The following RIT2 variants were observed in gnomAD, a reference collection of about 807,000 sequenced individuals.
The protein encoded by RIT2 is Ras like without CAAX 2, also known as GTP-binding protein Rit2.
A neutral mutation model predicts 23.7 loss-of-function variants in RIT2; 24 were observed. That is an observed-to-expected ratio of 1.01 (90% confidence interval 0.73 to 1.43). The LOEUF is 1.43. Ranked by LOEUF, RIT2 falls within the 40% of genes most tolerant of loss-of-function variation. The pLI is 0.00. For synonymous variants in RIT2, 107 were observed against 91.1 expected (o/e 1.17, Z -0.99); for missense variants, 236 against 266.9 (o/e 0.88, Z 0.81).
At chr18:42,903,634 C>T (rs1486097625) in intron 4 of RIT2, among the ~76,000 whole-genome samples, 2 of 152,010 alleles carry the variant, frequency 1.3e-5, no homozygotes, top group South Asian at 4.1e-4. Context: ...ATGACTGCTA[C>T]CACTACCCAA....
At chr18:42,811,985 G>A (rs1905864979) in intron 4 of RIT2, among the ~76,000 whole-genome samples, 1 of 151,950 alleles carries the variant, frequency 6.6e-6, no homozygotes, top group Non-Finnish European at 1.5e-5. Flanking sequence ...TGGGGCTACG[G>A]GTACATAAAG....
intron 1 of RIT2, among the ~76,000 whole-genome samples, chr18:43,107,576 T>C (rs1913854283): frequency 6.6e-6 from 1 of 152,222 alleles, no homozygotes. Context: ...GTTTACTTTC[T>C]TTGTTTGCAT....
At chr18:42,802,920 G>A (rs1020863658) in intron 4 of RIT2, among the ~76,000 whole-genome samples, 1 of 152,062 alleles carries the variant, frequency 6.6e-6, no homozygotes, top group Non-Finnish European at 1.5e-5. Context: ...GTGTGTGTGT[G>A]GCAGTATACT....
intron 4 of RIT2, among the ~76,000 whole-genome samples, chr18:42,795,856 C>T (rs1014523858): frequency 1.3e-5 from 2 of 152,120 alleles, no homozygotes; most frequent in African/African-American, 4.8e-5. Flanking sequence ...TATCTAGCTA[C>T]TCTGGTGGGG....
At chr18:43,034,427 C>G (rs1911929612) in intron 1 of RIT2, among the ~76,000 whole-genome samples, 1 of 151,838 alleles carries the variant, frequency 6.6e-6, no homozygotes, top group Non-Finnish European at 1.5e-5. Context: ...TACTTTTTTT[C>G]TGTAATTCTG....
intron 1 of RIT2, among the ~76,000 whole-genome samples, chr18:43,109,226 A>G (rs1008819174): frequency 6.6e-6 from 1 of 152,202 alleles, no homozygotes; most frequent in African/African-American, 2.4e-5. Context: ...GGGAGAGAAT[A>G]TGTTTGTTTA....
At chr18:42,895,905 T>C (rs1568024173) in intron 4 of RIT2, among the ~76,000 whole-genome samples, 1 of 152,204 alleles carries the variant, frequency 6.6e-6, no homozygotes, top group African/African-American at 2.4e-5. Flanking sequence ...AGTGGTTTTC[T>C]CTGGGATAGA....
chr18:42,829,044 G>C (rs1489966317), intron 4 of RIT2, among the ~76,000 whole-genome samples: 1 of 152,124 alleles, frequency 6.6e-6, no homozygotes, highest in African/African-American at 2.4e-5. Flanking sequence ...ATGGGTAGTG[G>C]AACACTGAAA....
intron 3 of RIT2, among the ~76,000 whole-genome samples, chr18:42,941,755 G>A (rs867234052): frequency 1.3e-5 from 2 of 152,038 alleles, no homozygotes; most frequent in South Asian, 2.1e-4. Flanking sequence ...TGTTGGTCAA[G>A]CATTGTTCTG....
intron 4 of RIT2, among the ~76,000 whole-genome samples, chr18:42,761,594 C>T (rs991156509): frequency 3.3e-5 from 5 of 152,156 alleles, no homozygotes; most frequent in Non-Finnish European, 5.9e-5. Flanking sequence ...ATTAACACAA[C>T]TCTTTAAGAA....
intron 2 of RIT2, among the ~76,000 whole-genome samples, chr18:43,012,752 A>G (rs1911380025): frequency 6.6e-6 from 1 of 151,498 alleles, no homozygotes; most frequent in Non-Finnish European, 1.5e-5. Flanking sequence ...AGTCTTGCAC[A>G]TATATTATCT....
At chr18:43,045,250 A>T (rs1240558616) in intron 1 of RIT2, among the ~76,000 whole-genome samples, 3 of 152,186 alleles carry the variant, frequency 2.0e-5, no homozygotes, top group Non-Finnish European at 4.4e-5. Context: ...TCTCATCTAC[A>T]TGAATGGGTG....
intron 3 of RIT2, among the ~76,000 whole-genome samples, chr18:42,966,917 T>G (rs1265480269): frequency 6.6e-6 from 1 of 152,076 alleles, no homozygotes; most frequent in African/African-American, 2.4e-5. Flanking sequence ...TGTACCGTAG[T>G]TATGGCAAGC....
intron 2 of RIT2, among the ~76,000 whole-genome samples, chr18:42,975,086 A>C (rs945061752): frequency 6.6e-6 from 1 of 152,096 alleles, no homozygotes; most frequent in Non-Finnish European, 1.5e-5. Context: ...GCAGCAGTGT[A>C]TAAGCATTCC....
At chr18:42,989,049 C>T (rs769560788) in intron 2 of RIT2, among the ~76,000 whole-genome samples, 19 of 152,276 alleles carry the variant, frequency 1.2e-4, no homozygotes, top group Admixed American at 1.3e-4. Context: ...CCATTATACA[C>T]CAAAGATAAA....
chr18:42,765,092 T>C (rs16976784), intron 4 of RIT2, among the ~76,000 whole-genome samples: 2,742 of 152,322 alleles, frequency 0.018, 86 homozygotes, highest in African/African-American at 0.063. Flanking sequence ...CTGTAGCTGA[T>C]GCTTGGAATG....
At chr18:43,060,938 T>A (rs1235212859) in intron 1 of RIT2, among the ~76,000 whole-genome samples, 4 of 152,084 alleles carry the variant, frequency 2.6e-5, no homozygotes, top group Admixed American at 6.6e-5. Flanking sequence ...TTTTTTTGAA[T>A]CCTTCTAATA....
At chr18:43,113,526 T>C (rs905240276) in intron 1 of RIT2, among the ~76,000 whole-genome samples, 3 of 152,194 alleles carry the variant, frequency 2.0e-5, no homozygotes, top group East Asian at 1.9e-4. Flanking sequence ...ATGTGTCACA[T>C]TGAAAATCCA....
intron 4 of RIT2, among the ~76,000 whole-genome samples, chr18:42,782,016 T>C (rs1913821521): frequency 6.6e-6 from 1 of 152,196 alleles, no homozygotes; most frequent in African/African-American, 2.4e-5. Flanking sequence ...TGAAAATATA[T>C]TAAAGATTAG....
Sources: allele counts gnomAD v4.1 joint callset (sites outside exome capture counted in the v4.1 genomes callset), GRCh38; gene constraint gnomAD v4.1.1; transcripts MANE v1.5; gene names NCBI Gene and HGNC (gene_info 2026-07-23, HGNC 2026-07-21).